PCDH11X: variants seen among roughly 807,000 people sequenced by gnomAD.
The protein encoded by PCDH11X is protocadherin 11 X-linked, also known as protocadherin-11 X-linked.
PCDH11X carries 18 observed loss-of-function variants against 53.3 expected under a neutral mutation model. That is an observed-to-expected ratio of 0.34 (90% CI 0.23 to 0.50). PCDH11X has a LOEUF of 0.50. Among genes scored for constraint, PCDH11X ranks in the 20% least tolerant of loss-of-function variants. PCDH11X has a pLI of 0.98. For missense variants in PCDH11X, 570 were observed against 1,032.4 expected (o/e 0.55, Z 6.14); for synonymous variants, 279 against 393.3 (o/e 0.71, Z 3.44).
In PCDH11X at chrX:92,158,013, G is replaced by C. The variant is rs749640362; in HGVS notation, c.3034-43362G>C. On this transcript the variant is annotated intron_variant, in intron 6 of 10. Coordinates refer to ENST00000682573, the MANE Select transcript of PCDH11X (RefSeq NM_032968.5). ...GTGGATCACCTGAGTTCAGGAGTTCGAGACCAGCCTGACCAACATGGTGAA... is the reference window on the plus strand; with the variant it reads ...GTGGATCACCTGAGTTCAGGAGTTCCAGACCAGCCTGACCAACATGGTGAA... Among the ~76,000 whole-genome samples the C allele has an allele frequency of 1.2e-4, 13 of 110,753 alleles. No homozygotes were observed. In the South Asian group the frequency reaches 5.0e-3, roughly 43 times the overall value.
chrX:92,210,153 A>T (rs2066554210), intron 7 of PCDH11X, among the ~76,000 whole-genome samples: 2 of 103,580 alleles, frequency 1.9e-5, no homozygotes. Context: ...TCTCCTTTAT[A>T]TTGGCTGTCA....
chrX:92,510,313 G>T (rs1371895397), intron 10 of PCDH11X, among the ~76,000 whole-genome samples: 1 of 91,107 alleles, frequency 1.1e-5, no homozygotes, highest in African/African-American at 3.8e-5. Context: ...CCCTCTTCTT[G>T]AGTAGCAACT....
At position 92,250,317 on chromosome X, in the gene PCDH11X, A is replaced by T. The variant is rs1000413257; in HGVS notation, c.3115-12797A>T. On this transcript the variant is annotated intron_variant, in intron 7 of 10. Coordinates refer to ENST00000682573, the MANE Select transcript of PCDH11X (RefSeq NM_032968.5). ...TTACCTTGTTGGTGAGGATATAGAG[A>T]AATTGGAAAACTCATACATCATTGG... 7.2e-5 allele frequency among the ~76,000 whole-genome samples: 8 copies of T among 110,739 alleles called. No individual in the cohort carries two copies. The East Asian group carries it at 2.3e-3, about 31-fold the overall frequency.
chrX:92,144,417 C>G (rs1446437307), intron 6 of PCDH11X, among the ~76,000 whole-genome samples: 1 of 110,508 alleles, frequency 9.0e-6, no homozygotes, highest in Non-Finnish European at 1.9e-5. Flanking sequence ...GTGGGCCAGT[C>G]TTTCCCGTGC....
At chrX:91,908,239 G>A (rs1285620197) in intron 6 of PCDH11X, among the ~76,000 whole-genome samples, 1 of 111,541 alleles carries the variant, frequency 9.0e-6, no homozygotes, top group Non-Finnish European at 1.9e-5. Flanking sequence ...CAACAGAATG[G>A]AAGGAAATTT....
At chrX:92,091,831 G>A (rs1444996616) in intron 6 of PCDH11X, among the ~76,000 whole-genome samples, 1 of 110,878 alleles carries the variant, frequency 9.0e-6, no homozygotes, top group African/African-American at 3.3e-5. Context: ...GTTGTAAAAT[G>A]TTTCTTATTT....
chrX:92,395,931 T>C (rs2071233305), intron 9 of PCDH11X, among the ~76,000 whole-genome samples: 1 of 102,474 alleles, frequency 9.8e-6, no homozygotes, highest in Non-Finnish European at 1.9e-5. Context: ...CTTTTTTATA[T>C]GTGATGAGGC....
intron 6 of PCDH11X, among the ~76,000 whole-genome samples, chrX:91,908,113 A>C (rs996690915): frequency 1.8e-5 from 2 of 111,983 alleles, no homozygotes; most frequent in African/African-American, 6.5e-5. Context: ...AGGCATGGGC[A>C]AAGATTTCAT....
chrX:92,065,003 C>A (rs1317953476), intron 6 of PCDH11X, among the ~76,000 whole-genome samples: 1 of 105,489 alleles, frequency 9.5e-6, no homozygotes, highest in Non-Finnish European at 1.9e-5. Context: ...CAAGGAGCTG[C>A]AGGATGGATT....
intron 10 of PCDH11X, among the ~76,000 whole-genome samples, chrX:92,502,301 AATTTATAG>A (rs994633154): frequency 2.7e-5 from 3 of 110,423 alleles, no homozygotes; most frequent in Non-Finnish European, 5.7e-5. Context: ...TGTTCAAAGT[AATTTATAG>A]ATTCAATGCT....
At chrX:91,800,912 C>G (rs1035341117) in intron 1 of PCDH11X, among the ~76,000 whole-genome samples, 2 of 107,059 alleles carry the variant, frequency 1.9e-5, no homozygotes, top group African/African-American at 6.8e-5. Context: ...TGCTGGGCGC[C>G]CTGGGCCTGT....
chrX:92,486,709 T>C (rs2073648643), intron 10 of PCDH11X, among the ~76,000 whole-genome samples: 1 of 111,189 alleles, frequency 9.0e-6, no homozygotes, highest in Admixed American at 9.7e-5. Context: ...AGAGCTATTT[T>C]GCTTGCCAAA....
chrX:92,455,988 T>G (rs766075421), intron 9 of PCDH11X, among the ~76,000 whole-genome samples: 1 of 112,156 alleles, frequency 8.9e-6, no homozygotes, highest in South Asian at 3.7e-4. Flanking sequence ...CATGCTGACT[T>G]GAAGTTAATT....
chrX:92,324,167 G>A (rs1321600566), intron 8 of PCDH11X, among the ~76,000 whole-genome samples: 1 of 106,142 alleles, frequency 9.4e-6, no homozygotes, highest in Non-Finnish European at 1.9e-5. Flanking sequence ...TTTATGATGA[G>A]TAGGAGTGTG....
At chrX:92,021,806 T>A (rs1475325366) in intron 6 of PCDH11X, among the ~76,000 whole-genome samples, 1 of 109,136 alleles carries the variant, frequency 9.2e-6, no homozygotes, top group Non-Finnish European at 1.9e-5. Flanking sequence ...AAGCCCATCA[T>A]ACTAACAGCA....
chrX:92,526,846 C>A (rs1173449313), intron 10 of PCDH11X, among the ~76,000 whole-genome samples: 2 of 106,020 alleles, frequency 1.9e-5, no homozygotes, highest in African/African-American at 3.4e-5. Flanking sequence ...TTTGTTGCAG[C>A]ACTGTTTACA....
chrX:92,346,846 G>T (rs6418106), intron 8 of PCDH11X, among the ~76,000 whole-genome samples: 28,222 of 110,427 alleles, frequency 0.26, 3,376 homozygotes, highest in East Asian at 0.85. Context: ...TTCTACGGTA[G>T]TGAAACCTTA....
rs3952182 is a variant in PCDH11X, at chrX:91,988,069, A to G, written c.3033+108796A>G. Among the ~76,000 whole-genome samples the G allele has an allele frequency of 2.7e-5, 3 of 111,261 alleles. No individual in the cohort carries two copies. In the South Asian group the frequency reaches 1.1e-3, roughly 42 times the overall value. ...TAAAACCAGAGAAAAATCTTGGGAT[A>G]GAATATACCTGTATTATAGTATAGA... On this transcript the variant is annotated intron_variant, in intron 6 of 10. Transcript: ENST00000682573.
At chrX:92,604,013 T>A (rs1265246913) in intron 10 of PCDH11X, among the ~76,000 whole-genome samples, 6 of 107,406 alleles carry the variant, frequency 5.6e-5, no homozygotes, top group Admixed American at 2.0e-4. Flanking sequence ...CAATTATATA[T>A]AATTTTGTTC....
Sources: allele counts gnomAD v4.1 joint callset (sites outside exome capture counted in the v4.1 genomes callset), GRCh38; gene constraint gnomAD v4.1.1; transcripts MANE v1.5; gene names NCBI Gene and HGNC (gene_info 2026-07-23, HGNC 2026-07-21).